The following PTPRA variants were observed in gnomAD, a reference collection of about 807,000 sequenced individuals.
PTPRA encodes the protein protein tyrosine phosphatase receptor type A.
Under a neutral mutation model 104.8 loss-of-function variants are expected in PTPRA, and 25 were observed. That is an observed-to-expected ratio of 0.24 (90% CI 0.17 to 0.33). The LOEUF (loss-of-function observed/expected upper bound fraction) is 0.33, where lower values mean the gene tolerates loss of function less well. Among genes scored for constraint, PTPRA ranks in the 10% least tolerant of loss-of-function variants. PTPRA has a pLI of 1.00. For missense variants in PTPRA, 765 were observed against 1,015.3 expected (o/e 0.75, Z 3.35); for synonymous variants, 323 against 368.9 (o/e 0.88, Z 1.43).
chr20:2,958,315 C>T (rs1265907288), intron 3 of PTPRA, among the ~76,000 whole-genome samples: 3 of 151,886 alleles, frequency 2.0e-5, no homozygotes, highest in East Asian at 1.9e-4. Context: ...CAGCCATTGT[C>T]GTGAGTGGCC....
intron 1 of PTPRA, among the ~76,000 whole-genome samples, chr20:2,917,354 T>C (rs1395467114): frequency 2.6e-5 from 4 of 152,178 alleles, no homozygotes; most frequent in Non-Finnish European, 5.9e-5. Context: ...CTATTTTCAT[T>C]GAGACCTTGG....
At chr20:2,884,451 T>G (rs1221644665) in intron 1 of PTPRA, among the ~76,000 whole-genome samples, 3 of 152,160 alleles carry the variant, frequency 2.0e-5, no homozygotes, top group Non-Finnish European at 2.9e-5. Flanking sequence ...GTTACTCTCT[T>G]TTTGATTATA....
intron 3 of PTPRA, 142 bp from the exon 4 acceptor site, chr20:2,964,130 C>A: frequency 1.5e-6 from 1 of 662,992 alleles, no homozygotes; most frequent in Non-Finnish European, 2.6e-6. Flanking sequence ...TCTGAGGAAG[C>A]ATGCATATCA....
At chr20:3,007,238 G>C (rs2063918373) in intron 10 of PTPRA, 106 bp from the exon 11 acceptor site, 1 of 1,068,396 alleles carries the variant, frequency 9.4e-7, no homozygotes, top group South Asian at 1.4e-5. Flanking sequence ...TTATACAAGC[G>C]TGAGTCTGTG....
At position 2,988,065 on chromosome 20, in the gene PTPRA, C is replaced by T. The variant is rs1361069559; in HGVS notation, c.561C>T (p.Ser187=). ...FKKYKQAGSH[S]NSFRLSNGRT... ...AATACAAGCAAGCTGGGAGCCATTC[C>T]AATTCTTTCCGCTTATCCAACGGCC... The change falls in exon 8 of 24, where the codon TCC becomes TCT. Residue 187 remains serine, a synonymous_variant. Coordinates refer to ENST00000399903, the MANE Select transcript of PTPRA (RefSeq NM_001385305.1). The T allele has an allele frequency of 1.1e-5, 17 of 1,590,462 alleles. No individual in the cohort carries two copies. The highest frequency in any genetic ancestry group is 1.5e-5 in the Non-Finnish European group (17 of 1,158,656).
At chr20:2,943,909 A>G (rs1417919535) in intron 2 of PTPRA, among the ~76,000 whole-genome samples, 1 of 152,148 alleles carries the variant, frequency 6.6e-6, no homozygotes, top group Non-Finnish European at 1.5e-5. Context: ...ATATTTTCGT[A>G]TCCATTTTCT....
At chr20:2,867,865 A>G in the PTPRA span, among the ~76,000 whole-genome samples, 1 of 152,248 alleles carries the variant, frequency 6.6e-6, no homozygotes, top group East Asian at 1.9e-4. Context: ...CCTGACTTGT[A>G]AATGAAAGTT....
At chr20:2,971,054 C>T (rs2062164679) in intron 5 of PTPRA, among the ~76,000 whole-genome samples, 1 of 152,026 alleles carries the variant, frequency 6.6e-6, no homozygotes, top group Non-Finnish European at 1.5e-5. Context: ...TTTCTCTGTC[C>T]ATGTGCAAAG....
chr20:2,915,602 A>G (rs894999858), intron 1 of PTPRA, among the ~76,000 whole-genome samples: 1 of 152,194 alleles, frequency 6.6e-6, no homozygotes, highest in Admixed American at 6.5e-5. Flanking sequence ...CCAATTTGTC[A>G]GTTTTGTTGC....
intron 2 of PTPRA, among the ~76,000 whole-genome samples, chr20:2,940,294 A>G (rs1352310744): frequency 6.6e-6 from 1 of 151,938 alleles, no homozygotes; most frequent in Non-Finnish European, 1.5e-5. Context: ...TTTTCCCCCA[A>G]TAATTATATC....
intron 11 of PTPRA, among the ~76,000 whole-genome samples, chr20:3,014,176 A>C (rs1055823609): frequency 2.6e-5 from 4 of 152,254 alleles, no homozygotes; most frequent in Non-Finnish European, 4.4e-5. Flanking sequence ...TTCCATTTCC[A>C]TTCTCTAATA....
upstream of PTPRA, among the ~76,000 whole-genome samples, chr20:2,872,449 A>G (rs749231706): frequency 9.1e-4 from 139 of 152,328 alleles, no homozygotes; most frequent in Admixed American, 4.4e-3. The surrounding 1 kb of genome is among the most constrained non-coding windows in gnomAD (Gnocchi z 7.9). Flanking sequence ...CCCTACCCGC[A>G]AGCTCGGTTT....
chr20:3,038,086 G>T lies in PTPRA; in HGVS notation c.2362G>T (p.Val788Leu). The T allele has an allele frequency of 6.2e-7, 1 of 1,613,514 alleles. No individual in the cohort carries two copies. Among genetic ancestry groups the T allele is most frequent in the Non-Finnish European group, 8.5e-7 (1 of 1,179,440 alleles). ...LEQYEFCYKV[V>L]QEYIDAFSDY... ...ACAGTATGAGTTCTGCTACAAGGTG[G>T]TGCAGGAGTATATTGATGCATTCTC... The change falls in exon 24 of 24, where the codon GTG becomes TTG. Residue 788 changes from valine (V) to leucine (L), a missense_variant. Coordinates refer to ENST00000399903, the MANE Select transcript of PTPRA (RefSeq NM_001385305.1).
chr20:2,883,312 G>A (rs2090170899), intron 1 of PTPRA, among the ~76,000 whole-genome samples: 1 of 152,024 alleles, frequency 6.6e-6, no homozygotes, highest in Non-Finnish European at 1.5e-5. Flanking sequence ...TCAAGTAAAA[G>A]TATTATTTAA....
chr20:2,990,321 A>G (rs2063115040), intron 9 of PTPRA, among the ~76,000 whole-genome samples: 1 of 152,178 alleles, frequency 6.6e-6, no homozygotes, highest in Non-Finnish European at 1.5e-5. Flanking sequence ...AAATTTTCCC[A>G]AAAGCTTCTG....
intron 3 of PTPRA, among the ~76,000 whole-genome samples, chr20:2,953,938 A>T: frequency 6.8e-6 from 1 of 146,806 alleles, no homozygotes; most frequent in African/African-American, 2.5e-5. Context: ...TTTTTTAGAG[A>T]CAAGCTGTCT....
At chr20:2,885,061 A>G (rs1294060325) in intron 1 of PTPRA, among the ~76,000 whole-genome samples, 2 of 152,276 alleles carry the variant, frequency 1.3e-5, no homozygotes, top group African/African-American at 4.8e-5. Context: ...TCGGCCTCCC[A>G]AAGTGCTGGG....
chr20:2,991,146 G>A (rs2063155596), intron 9 of PTPRA, among the ~76,000 whole-genome samples: 1 of 152,102 alleles, frequency 6.6e-6, no homozygotes, highest in South Asian at 2.1e-4. Context: ...CTGAAGCCAG[G>A]AGTTCAAGAC....
upstream of PTPRA, among the ~76,000 whole-genome samples, chr20:2,868,847 C>G (rs2089395001): frequency 6.6e-6 from 1 of 152,048 alleles, no homozygotes; most frequent in South Asian, 2.1e-4. Flanking sequence ...AAGTAACATA[C>G]AGTATATTTA....
Sources: gnomAD v4.1 joint callset for allele counts (sites outside exome capture counted in the v4.1 genomes callset) on GRCh38, gnomAD v4.1.1 for gene constraint, Gnocchi (gnomAD v3.1) non-coding constraint, MANE v1.5 for transcripts, NCBI Gene and HGNC (gene_info 2026-07-23, HGNC 2026-07-21) for gene names.